IFT43: variants seen among roughly 807,000 people sequenced by gnomAD.
IFT43 encodes the protein intraflagellar transport 43, also known as intraflagellar transport protein 43 homolog.
IFT43 carries 33 observed loss-of-function variants against 32.3 expected under a neutral mutation model. The observed-to-expected ratio is 1.02, with a 90% CI of 0.77 to 1.37. IFT43 has a LOEUF of 1.37. Among genes scored for constraint, IFT43 ranks in the 40% most tolerant of loss-of-function variants. The pLI is 0.00. For synonymous variants in IFT43, 93 were observed against 98.2 expected, an observed-to-expected ratio of 0.95 and a Z score of 0.31; for missense variants, 274 against 265.9, an observed-to-expected ratio of 1.03 and a Z score of -0.21.
At chr14:76,058,430 A>G (rs1040532928) in intron 3 of IFT43, 19 of 516,206 alleles carry the variant, frequency 3.7e-5, no homozygotes, top group Non-Finnish European at 5.9e-5. Context: ...TCCAATTTGG[A>G]GTGAGGCTGA....
At chr14:76,074,249 G>T (rs532995668) in intron 5 of IFT43, among the ~76,000 whole-genome samples, 5 of 152,192 alleles carry the variant, frequency 3.3e-5, no homozygotes, top group African/African-American at 1.2e-4. Flanking sequence ...CTCATCTTGG[G>T]CCTTATTGAA....
chr14:76,032,227 T>TA (rs1295170576), intron 3 of IFT43, among the ~76,000 whole-genome samples: 2 of 152,216 alleles, frequency 1.3e-5, no homozygotes, highest in Non-Finnish European at 2.9e-5. Context: ...ACTGTTGAAA[T>TA]ACATCTGTTG....
At chr14:76,082,230 A>G (rs979022459) in intron 5 of IFT43, 65 bp from the exon 6 acceptor site, 13 of 1,421,138 alleles carry the variant, frequency 9.1e-6, no homozygotes, top group Non-Finnish European at 1.0e-5. Context: ...ATGAGTAAGA[A>G]GTGGAGAAGC....
Position 76,083,555 on chromosome 14 carries a change from C to T in IFT43, c.605C>T (p.Ala202Val), listed in dbSNP as rs764790125. Residue 202 changes from alanine (A) to valine (V), a missense_variant, in exon 9 of 9, where the codon GCG becomes GTG. Physicochemically the swap from Ala to Val is moderately conservative, Grantham distance 64 (BLOSUM62 0). Coordinates refer to ENST00000314067, the MANE Select transcript of IFT43 (RefSeq NM_001102564.3). ...CTGCAGACGGAGAAGGAGGACCCTG[C>T]GGGGCAGGCCAGGCACACCTGAGCC... is the stretch of plus-strand genomic sequence containing the variant. ...DPLQTEKEDP[A>V]GQARHT is the part of the protein sequence containing the mutation. 28 of 1,613,900 alleles carry T rather than the reference C, an allele frequency of 1.7e-5. No homozygotes were observed. Among genetic ancestry groups the T allele is most frequent in the East Asian group, 4.5e-5 (2 of 44,898 alleles).
At chr14:76,059,042 G>T (rs1274200137) in intron 4 of IFT43, 2 of 1,422,282 alleles carry the variant, frequency 1.4e-6, no homozygotes, top group African/African-American at 2.9e-5. Flanking sequence ...CTAGATAAAG[G>T]TGCTGTGAAG....
chr14:76,036,365 G>C (rs2036597800), intron 3 of IFT43, among the ~76,000 whole-genome samples: 1 of 133,410 alleles, frequency 7.5e-6, no homozygotes, highest in East Asian at 2.2e-4. Flanking sequence ...TTGTTTGTTT[G>C]TTCGTTCGTT....
intron 5 of IFT43, among the ~76,000 whole-genome samples, chr14:76,080,759 G>A (rs965266376): frequency 2.0e-5 from 3 of 152,134 alleles, no homozygotes; most frequent in Non-Finnish European, 4.4e-5. Flanking sequence ...CACGTAGAAC[G>A]AGAGGGAAAA....
In IFT43 at chr14:75,988,923, G is replaced by C; in HGVS notation, c.93G>C (p.Ala31=). ...GTCGCCGAGCTCAACAGGAGTCAGC[G>C]CAGGCCGAGAATCACCTCAATGGCA... ...KMGRRAQQES[A]QAENHLNGKN... is the part of the protein sequence containing the mutation. Residue 31 remains alanine (A), a synonymous_variant, in exon 2 of 9, where the codon GCG becomes GCC. Transcript: ENST00000314067. 1 of 1,613,972 alleles carries C rather than the reference G, an allele frequency of 6.2e-7. No homozygotes were observed. Among genetic ancestry groups the C allele is most frequent in the South Asian group, 1.1e-5 (1 of 91,062 alleles).
At chr14:76,072,029 C>T (rs1334741275) in intron 5 of IFT43, among the ~76,000 whole-genome samples, 1 of 152,222 alleles carries the variant, frequency 6.6e-6, no homozygotes. Flanking sequence ...GCCATGTCCT[C>T]AGTTCTGTTG....
chr14:76,016,727 T>C (rs528301502), intron 2 of IFT43, among the ~76,000 whole-genome samples: 10 of 152,334 alleles, frequency 6.6e-5, no homozygotes, highest in African/African-American at 2.4e-4. Context: ...TCAATTTCTT[T>C]CGTTAGTGTT....
At chr14:76,018,352 C>T (rs1594820151) in intron 2 of IFT43, among the ~76,000 whole-genome samples, 1 of 152,096 alleles carries the variant, frequency 6.6e-6, no homozygotes, top group South Asian at 2.1e-4. Context: ...TGTATTTGTA[C>T]AGTTTCCATA....
intron 2 of IFT43, among the ~76,000 whole-genome samples, chr14:76,021,296 T>C (rs1345240513): frequency 2.6e-5 from 4 of 152,114 alleles, no homozygotes; most frequent in African/African-American, 4.8e-5. Context: ...TTGAGTAGAT[T>C]TTTAATCCAC....
chr14:76,053,925 G>C (rs1007670691), intron 3 of IFT43, among the ~76,000 whole-genome samples: 3 of 152,198 alleles, frequency 2.0e-5, no homozygotes, highest in Non-Finnish European at 4.4e-5. Context: ...CTCAGGAACA[G>C]AGACTTCACC....
At chr14:76,001,296 A>G (rs2035880652) in intron 2 of IFT43, among the ~76,000 whole-genome samples, 1 of 152,248 alleles carries the variant, frequency 6.6e-6, no homozygotes, top group African/African-American at 2.4e-5. Flanking sequence ...TAATTGGAAA[A>G]AAAGTCATAG....
chr14:76,004,958 C>T (rs2035954268), intron 2 of IFT43, among the ~76,000 whole-genome samples: 1 of 152,112 alleles, frequency 6.6e-6, no homozygotes, highest in African/African-American at 2.4e-5. Flanking sequence ...TCTGTTCATT[C>T]ATTATGGCCA....
intron 2 of IFT43, 108 bp downstream of exon 2, chr14:75,989,085 C>T (rs1310784019): frequency 4.5e-6 from 6 of 1,332,430 alleles, no homozygotes; most frequent in African/African-American, 4.3e-5. Flanking sequence ...AATGCCAACC[C>T]TTTCTCCTGT....
Position 75,992,877 on chromosome 14 carries a change from C to T in IFT43, c.147+3900C>T, listed in dbSNP as rs554858908. On this transcript the variant is annotated intron_variant, in intron 2 of 8. Transcript: ENST00000314067. Reference sequence around the variant, plus strand: ...TTTTTTGCTTTCTAGTTGCAGCAGGCGTTTCTTAAGAGTCTGTAAAAGCAC... The same window carrying T: ...TTTTTTGCTTTCTAGTTGCAGCAGGTGTTTCTTAAGAGTCTGTAAAAGCAC... Among the ~76,000 whole-genome samples the T allele has an allele frequency of 3.3e-5, 5 of 152,238 alleles. No homozygotes were observed. The East Asian group carries it at 9.6e-4, about 29-fold the overall frequency.
intron 5 of IFT43, among the ~76,000 whole-genome samples, chr14:76,082,007 A>G (rs2037518755): frequency 6.6e-6 from 1 of 152,138 alleles, no homozygotes; most frequent in Admixed American, 6.5e-5. Flanking sequence ...AGTGGCTTCT[A>G]ACCTGTTGCA....
intron 3 of IFT43, among the ~76,000 whole-genome samples, chr14:76,034,976 A>G (rs182814588): frequency 6.6e-6 from 1 of 152,332 alleles, no homozygotes; most frequent in East Asian, 1.9e-4. Context: ...AGAGGAAGGA[A>G]AGGTAGTTTG....
Sources: allele counts gnomAD v4.1 joint callset (sites outside exome capture counted in the v4.1 genomes callset), GRCh38; gene constraint gnomAD v4.1.1; transcripts MANE v1.5; gene names NCBI Gene and HGNC (gene_info 2026-07-23, HGNC 2026-07-21).